Variants in GALNTL6 observed in about 807,000 individuals in gnomAD.
GALNTL6 encodes the protein polypeptide N-acetylgalactosaminyltransferase like 6.
In GALNTL6, 46 loss-of-function variants were observed where a neutral mutation model predicts 73.7. That is an observed-to-expected ratio of 0.62 (90% confidence interval 0.49 to 0.80). GALNTL6 has a LOEUF of 0.80. Ranked by LOEUF, GALNTL6 falls within the 30% of genes least tolerant of loss-of-function variation. The pLI, the probability that GALNTL6 is intolerant of heterozygous loss-of-function variation, is 0.00. For missense variants in GALNTL6, 604 were observed against 755.0 expected (o/e 0.80, Z 2.34); for synonymous variants, 259 against 263.7 (o/e 0.98, Z 0.17).
intron 10 of GALNTL6, among the ~76,000 whole-genome samples, chr4:172,982,710 TG>T (rs1751120587): frequency 6.6e-6 from 1 of 152,038 alleles, no homozygotes; most frequent in African/African-American, 2.4e-5. Flanking sequence ...TTCAAGAACA[TG>T]TGAATGTGAC....
chr4:172,634,994 A>G (rs1310841307), intron 5 of GALNTL6, among the ~76,000 whole-genome samples: 3 of 152,172 alleles, frequency 2.0e-5, no homozygotes, highest in Non-Finnish European at 2.9e-5. Flanking sequence ...GCTTACATCA[A>G]TTTAGTTTTT....
At chr4:171,930,247 G>A (rs544635758) in intron 2 of GALNTL6, among the ~76,000 whole-genome samples, 33 of 152,304 alleles carry the variant, frequency 2.2e-4, no homozygotes, top group Admixed American at 1.2e-3. Context: ...CGCCTCCAGC[G>A]AAACCATGCC....
intron 2 of GALNTL6, among the ~76,000 whole-genome samples, chr4:171,986,469 CT>C (rs1740091537): frequency 6.6e-6 from 1 of 152,050 alleles, no homozygotes; most frequent in African/African-American, 2.4e-5. Flanking sequence ...CCTGACATTC[CT>C]GTCTTCTTAT....
intron 7 of GALNTL6, among the ~76,000 whole-genome samples, chr4:172,850,107 T>C (rs1169228141): frequency 1.3e-5 from 2 of 152,188 alleles, no homozygotes; most frequent in Non-Finnish European, 2.9e-5. Context: ...ATGAAAAGAA[T>C]GAGGGCCAGC....
At chr4:172,344,361 C>A (rs1741670050) in intron 4 of GALNTL6, among the ~76,000 whole-genome samples, 1 of 152,158 alleles carries the variant, frequency 6.6e-6, no homozygotes, top group Non-Finnish European at 1.5e-5. Flanking sequence ...GGCAGTGATT[C>A]AATTTTTCTT....
chr4:172,075,410 C>A (rs1442146418), intron 2 of GALNTL6, among the ~76,000 whole-genome samples: 4 of 152,102 alleles, frequency 2.6e-5, no homozygotes, highest in Non-Finnish European at 5.9e-5. Context: ...TCTCGGCTCA[C>A]TGCAAGCTCT....
chr4:173,037,151 G>A (rs1346642473), intron 12 of GALNTL6, among the ~76,000 whole-genome samples: 2 of 152,210 alleles, frequency 1.3e-5, no homozygotes, highest in African/African-American at 4.8e-5. Flanking sequence ...GCACTCCCAA[G>A]ACAAGGGTGA....
chr4:172,876,263 G>A (rs1745189179), intron 7 of GALNTL6, among the ~76,000 whole-genome samples: 1 of 152,052 alleles, frequency 6.6e-6, no homozygotes, highest in South Asian at 2.1e-4. Context: ...TATAAATCAT[G>A]GTACAAAATA....
chr4:172,866,679 G>T (rs1448754131), intron 7 of GALNTL6, among the ~76,000 whole-genome samples: 2 of 152,110 alleles, frequency 1.3e-5, no homozygotes, highest in South Asian at 2.1e-4. Flanking sequence ...CACACCCTAA[G>T]ATTCTGCCAT....
intron 10 of GALNTL6, among the ~76,000 whole-genome samples, chr4:173,006,954 G>C (rs1752328608): frequency 6.6e-6 from 1 of 152,164 alleles, no homozygotes; most frequent in African/African-American, 2.4e-5. Flanking sequence ...CTTGTCATCA[G>C]GGACAGAGAT....
chr4:172,222,960 ATG>A (rs1736736036), intron 2 of GALNTL6, among the ~76,000 whole-genome samples: 2 of 152,014 alleles, frequency 1.3e-5, no homozygotes, highest in African/African-American at 4.8e-5. Context: ...CCAGCACAAT[ATG>A]TTTTGCAAAT....
chr4:172,158,407 A>G (rs1036064252), intron 2 of GALNTL6, among the ~76,000 whole-genome samples: 4 of 152,004 alleles, frequency 2.6e-5, no homozygotes, highest in Non-Finnish European at 5.9e-5. Context: ...CTCAGATTTT[A>G]TTCTCATTAA....
chr4:172,533,327 T>A (rs1735233938), intron 5 of GALNTL6, among the ~76,000 whole-genome samples: 1 of 130,606 alleles, frequency 7.7e-6, no homozygotes, highest in Non-Finnish European at 1.6e-5. Context: ...TTTTTTTTTT[T>A]TTTTTTTTTT....
rs974590871 is a variant in GALNTL6, at chr4:172,010,302, A to G, written c.138+195584A>G. On this transcript the variant is annotated intron_variant, in intron 2 of 12. Coordinates refer to ENST00000506823, the MANE Select transcript of GALNTL6 (RefSeq NM_001034845.3). ...ATATTTTCTAAGAAAAGTGTTCATT[A>G]AAATGTAAGTTTTTCCCTAACCCCA... 4.5e-5 allele frequency among the ~76,000 whole-genome samples: 6 copies of G among 132,484 alleles called. No individual in the cohort carries two copies. In the South Asian group the frequency reaches 1.4e-3, roughly 30 times the overall value. 86.9% of individuals were successfully genotyped at this position (132,484 alleles called of 152,430 possible).
At chr4:172,345,989 T>C (rs1430857763) in intron 4 of GALNTL6, among the ~76,000 whole-genome samples, 1 of 152,168 alleles carries the variant, frequency 6.6e-6, no homozygotes, top group East Asian at 1.9e-4. Flanking sequence ...GGGGAATTAA[T>C]TTTTCCCAGA....
At chr4:171,962,210 A>G (rs1347157900) in intron 2 of GALNTL6, among the ~76,000 whole-genome samples, 1 of 152,192 alleles carries the variant, frequency 6.6e-6, no homozygotes, top group Non-Finnish European at 1.5e-5. Flanking sequence ...GTTCCCTTGT[A>G]AAAGGAAGGA....
intron 5 of GALNTL6, among the ~76,000 whole-genome samples, chr4:172,368,622 G>A (rs931114255): frequency 3.3e-5 from 5 of 151,928 alleles, no homozygotes; most frequent in Admixed American, 6.6e-5. Flanking sequence ...TTGGGTTCTT[G>A]GTCTCGCTGA....
chr4:172,240,248 G>T (rs1737374800), intron 3 of GALNTL6, among the ~76,000 whole-genome samples: 1 of 152,022 alleles, frequency 6.6e-6, no homozygotes, highest in Non-Finnish European at 1.5e-5. Flanking sequence ...TTTTGAGATG[G>T]GATCTCACTC....
At chr4:172,501,868 G>A (rs1288781188) in intron 5 of GALNTL6, among the ~76,000 whole-genome samples, 1 of 152,094 alleles carries the variant, frequency 6.6e-6, no homozygotes, top group Non-Finnish European at 1.5e-5. Flanking sequence ...TGGTGCATCT[G>A]AACACAGGTA....
Sources: allele counts gnomAD v4.1 joint callset (sites outside exome capture counted in the v4.1 genomes callset), GRCh38; gene constraint gnomAD v4.1.1; transcripts MANE v1.5; gene names NCBI Gene and HGNC (gene_info 2026-07-23, HGNC 2026-07-21).